The following NFYC variants were observed in gnomAD, a reference collection of about 807,000 sequenced individuals.
The protein encoded by NFYC is CAAT box DNA-binding protein subunit C.
NFYC carries 25 observed loss-of-function variants against 53.1 expected under a neutral mutation model. The ratio of observed to expected loss-of-function variants is 0.47; its 90% CI spans 0.34 to 0.66. The LOEUF (loss-of-function observed/expected upper bound fraction) is 0.66, where lower values mean the gene tolerates loss of function less well. NFYC is among the 30% of genes least tolerant of loss of function. The pLI is 0.01. For missense variants in NFYC, 260 were observed against 422.7 expected (o/e 0.62, Z 3.38); for synonymous variants, 145 against 152.6 (o/e 0.95, Z 0.37).
At chr1:40,692,957 AGGTCAT>A (rs1642916442) in intron 1 of NFYC, among the ~76,000 whole-genome samples, 1 of 152,224 alleles carries the variant, frequency 6.6e-6, no homozygotes, top group Admixed American at 6.5e-5. Context: ...GGAAGGATAC[AGGTCAT>A]GGCTGAGTTT....
chr1:40,700,691 G>T (rs1224282823), intron 1 of NFYC, among the ~76,000 whole-genome samples: 1 of 151,994 alleles, frequency 6.6e-6, no homozygotes, highest in African/African-American at 2.4e-5. Context: ...GAGGTTCAAG[G>T]CTGGTCTTGA....
intron 1 of NFYC, among the ~76,000 whole-genome samples, chr1:40,734,141 G>C (rs1644906330): frequency 6.6e-6 from 1 of 151,930 alleles, no homozygotes; most frequent in South Asian, 2.1e-4. Flanking sequence ...TCAGCCTCCG[G>C]AGTTGTTGGG....
At position 40,719,500 on chromosome 1, in the gene NFYC, C is replaced by T. The variant is rs546652843; in HGVS notation, c.-8-19336C>T. ...CCCCAGAAAGTGAACTTGATCCTTT[C>T]TATCTCCACTTTTGTTTGGTAGCTA... On this transcript the variant is annotated intron_variant, in intron 1 of 9. Transcript: ENST00000447388. Among the ~76,000 whole-genome samples the T allele has an allele frequency of 3.9e-5, 6 of 152,206 alleles. No homozygotes were observed. The South Asian group carries it at 1.2e-3, about 31-fold the overall frequency.
At chr1:40,734,336 G>GTTGC (rs1213428804) in intron 1 of NFYC, among the ~76,000 whole-genome samples, 2 of 135,214 alleles carry the variant, frequency 1.5e-5, no homozygotes, top group Non-Finnish European at 3.1e-5. Flanking sequence ...ATTAACTACG[G>GTTGC]TTGCTTTATT....
At chr1:40,758,627 C>T (rs1350192629) in intron 6 of NFYC, among the ~76,000 whole-genome samples, 2 of 152,176 alleles carry the variant, frequency 1.3e-5, no homozygotes, top group Admixed American at 6.5e-5. Context: ...TCCATGCCTG[C>T]TGTCTGTGTG....
At position 40,732,031 on chromosome 1, in the gene NFYC, G is replaced by T. The variant is rs1044728032; in HGVS notation, c.-8-6805G>T. Among the ~76,000 whole-genome samples the T allele has an allele frequency of 3.9e-5, 6 of 152,204 alleles. No homozygotes were observed. In the South Asian group the frequency reaches 6.2e-4, roughly 16 times the overall value. On this transcript the variant is annotated intron_variant, in intron 1 of 9. Transcript: ENST00000447388. ...AGACATTAAGGGAGGACTTAACTTT[G>T]CTTTAATTGGAAGCAGCATTGGTCA...
At chr1:40,729,592 T>C (rs958522297) in intron 1 of NFYC, among the ~76,000 whole-genome samples, 1 of 152,202 alleles carries the variant, frequency 6.6e-6, no homozygotes, top group African/African-American at 2.4e-5. Flanking sequence ...AGGAGCACTT[T>C]TAATTTCCTT....
At chr1:40,692,104 C>T (rs1019848206) in intron 1 of NFYC, 2 of 194,554 alleles carry the variant, frequency 1.0e-5, no homozygotes, top group African/African-American at 2.4e-5. Context: ...CTCCCATTGG[C>T]GGAAGGCGAC....
intron 1 of NFYC, among the ~76,000 whole-genome samples, chr1:40,736,970 A>G (rs551849075): frequency 1.3e-5 from 2 of 151,928 alleles, no homozygotes; most frequent in Non-Finnish European, 2.9e-5. Flanking sequence ...TACTAAAAAT[A>G]TAAAAAATTA....
chr1:40,719,752 G>A (rs1041510352), intron 1 of NFYC, among the ~76,000 whole-genome samples: 1 of 152,172 alleles, frequency 6.6e-6, no homozygotes. Context: ...TGTGTTTTCT[G>A]TTGTTATCAA....
At chr1:40,695,261 A>G (rs1046296175) in intron 1 of NFYC, among the ~76,000 whole-genome samples, 3 of 152,184 alleles carry the variant, frequency 2.0e-5, no homozygotes, top group Non-Finnish European at 4.4e-5. Context: ...TAAAAATCCC[A>G]AAACTGTACT....
chr1:40,734,334 C>T (rs546129547), intron 1 of NFYC, among the ~76,000 whole-genome samples: 4 of 140,344 alleles, frequency 2.9e-5, no homozygotes, highest in East Asian at 4.2e-4. Context: ...TGATTAACTA[C>T]GGTTGCTTTA....
intron 1 of NFYC, among the ~76,000 whole-genome samples, chr1:40,697,980 G>A (rs912662326): frequency 6.6e-6 from 1 of 152,168 alleles, no homozygotes. Context: ...GCTTTCTATT[G>A]TATAAACTTG....
chr1:40,754,451 C>T (rs1319042072), intron 5 of NFYC: 1 of 533,506 alleles, frequency 1.9e-6, no homozygotes, highest in Non-Finnish European at 3.8e-6. Flanking sequence ...CTGCCACGGT[C>T]GTCCCCAGCT....
chr1:40,769,458 G>A (rs777208422), intron 9 of NFYC, 43 bp downstream of exon 9: 33 of 1,575,186 alleles, frequency 2.1e-5, no homozygotes, highest in Admixed American at 3.3e-5. Flanking sequence ...GAGGATTTGC[G>A]GGGCAGGGTA....
In NFYC at chr1:40,770,464, C is replaced by G. The variant is rs1239615369; in HGVS notation, c.889-245C>G. Reference sequence around the variant, plus strand: ...GAGGCAGAGCCCAGAGAAGTGAAAGCCACAGGAAATTCAACTCCCTGCACC... The same window carrying G: ...GAGGCAGAGCCCAGAGAAGTGAAAGGCACAGGAAATTCAACTCCCTGCACC... On this transcript the variant is annotated intron_variant, in intron 9 of 9. Transcript: ENST00000447388. This position sits in a 1 kb window ranked among gnomAD's most constrained non-coding sequence, Gnocchi z 5.3. The G allele has an allele frequency of 1.9e-6, 3 of 1,550,720 alleles. No individual in the cohort carries two copies. The highest frequency in any genetic ancestry group is 2.6e-6 in the Non-Finnish European group (3 of 1,147,020).
chr1:40,697,469 TC>T (rs1475695156), intron 1 of NFYC, among the ~76,000 whole-genome samples: 1 of 152,256 alleles, frequency 6.6e-6, no homozygotes, highest in Non-Finnish European at 1.5e-5. Context: ...ATCATTTGTT[TC>T]AGGGAAAGAT....
intron 1 of NFYC, among the ~76,000 whole-genome samples, chr1:40,696,020 TTC>T (rs1290125205): frequency 8.9e-6 from 1 of 112,652 alleles, no homozygotes; most frequent in Non-Finnish European, 1.8e-5. Context: ...GGATTTGTAA[TTC>T]TGTTTTTTTT....
At chr1:40,728,592 A>T (rs746426906) in intron 1 of NFYC, among the ~76,000 whole-genome samples, 10 of 151,430 alleles carry the variant, frequency 6.6e-5, no homozygotes, top group Non-Finnish European at 1.2e-4. Flanking sequence ...TGAGACTGTC[A>T]CAAAACAAAA....
Sources: gnomAD v4.1 joint callset for allele counts (sites outside exome capture counted in the v4.1 genomes callset) on GRCh38, gnomAD v4.1.1 for gene constraint, Gnocchi (gnomAD v3.1) non-coding constraint, MANE v1.5 for transcripts, NCBI Gene and HGNC (gene_info 2026-07-23, HGNC 2026-07-21) for gene names.